Variants in TRAK1 observed in about 807,000 individuals in gnomAD.
The protein encoded by TRAK1 is trafficking kinesin protein 1.
In TRAK1, 33 loss-of-function variants were observed where a neutral mutation model predicts 92.1. The observed-to-expected ratio is 0.36, with a 90% CI of 0.27 to 0.48. The LOEUF is 0.48. Ranked by LOEUF, TRAK1 falls within the 20% of genes least tolerant of loss-of-function variation. The pLI is 0.99. For synonymous variants in TRAK1, 521 were observed against 517.3 expected, an observed-to-expected ratio of 1.01 and a Z score of -0.10; for missense variants, 1,123 against 1,257.9, an observed-to-expected ratio of 0.89 and a Z score of 1.62.
chr3:42,139,606 GCTTA>G lies in TRAK1; in HGVS notation c.286+14000_286+14003del, dbSNP rs3073700. Among the ~76,000 whole-genome samples, 282 of 152,202 alleles carry G rather than the reference GCTTA, an allele frequency of 1.9e-3. 2 individuals carry two copies. Among genetic ancestry groups the G allele is most frequent in the African/African-American group, 6.2e-3 (257 of 41,518 alleles). ...GCAGACCTACCCTCATGGTCCCTGG[GCTTA>G]CTTACTTTGTCACCTGTCACCTGCC... On this transcript the variant is annotated intron_variant, in intron 2 of 15. Transcript: ENST00000327628.
At chr3:42,069,207 C>T (rs1317851898) in intron 1 of TRAK1, among the ~76,000 whole-genome samples, 2 of 151,546 alleles carry the variant, frequency 1.3e-5, no homozygotes, top group Non-Finnish European at 2.9e-5. Flanking sequence ...TGGTGCATGC[C>T]TGTAGTCTCA....
chr3:42,170,568 T>C (rs1032639893), intron 2 of TRAK1, among the ~76,000 whole-genome samples: 2 of 152,204 alleles, frequency 1.3e-5, no homozygotes, highest in Non-Finnish European at 2.9e-5. Flanking sequence ...TATATCAGAA[T>C]TGCTAGGGAT....
At chr3:42,178,348 A>G (rs931196004) in intron 3 of TRAK1, among the ~76,000 whole-genome samples, 2 of 151,958 alleles carry the variant, frequency 1.3e-5, no homozygotes, top group Non-Finnish European at 2.9e-5. Flanking sequence ...CCCATTGCTC[A>G]AGGTCCTGAA....
At chr3:42,093,770 T>C (rs1455796000) in intron 1 of TRAK1, among the ~76,000 whole-genome samples, 1 of 143,154 alleles carries the variant, frequency 7.0e-6, no homozygotes, top group East Asian at 2.2e-4. Flanking sequence ...TGGCATGATC[T>C]TGGCTCACTA....
At chr3:42,023,735 C>T (rs1701810950) in intron 1 of TRAK1, among the ~76,000 whole-genome samples, 1 of 138,528 alleles carries the variant, frequency 7.2e-6, no homozygotes, top group East Asian at 2.1e-4. Flanking sequence ...GTTTGACGTG[C>T]TCGTGAGGGT....
At position 42,101,596 on chromosome 3, in the gene TRAK1, G is replaced by A. The variant is rs78202683; in HGVS notation, c.91+10036G>A. 7.8e-3 allele frequency among the ~76,000 whole-genome samples: 1,191 copies of A among 152,322 alleles called. 21 individuals carry two copies. Among genetic ancestry groups the A allele is most frequent in the African/African-American group, 0.028 (1,152 of 41,564 alleles). Reference sequence around the variant, plus strand: ...AAGGGCCAGAGAGTAAATCTTTTAGGTTTGCAGGTCAGAAGGTCTCTGTCT... The same window carrying A: ...AAGGGCCAGAGAGTAAATCTTTTAGATTTGCAGGTCAGAAGGTCTCTGTCT... On this transcript the variant is annotated intron_variant, in intron 1 of 15. Transcript: ENST00000327628.
At chr3:42,200,738 C>T in intron 11 of TRAK1, 80 bp from the exon 12 acceptor site, 4 of 1,457,146 alleles carry the variant, frequency 2.7e-6, no homozygotes, top group Non-Finnish European at 3.8e-6. Flanking sequence ...CCTTTTGGCT[C>T]AGTTGATCAT....
rs377344183 is a variant in TRAK1, at chr3:42,223,386, C to T, written c.2511C>T (p.Ser837=). The change falls in exon 16 of 16, where the codon TCC becomes TCT. Residue 837 remains serine, a synonymous_variant. Transcript: ENST00000327628. This position sits in a 1 kb window ranked among gnomAD's most constrained non-coding sequence, Gnocchi z 6.1. The part of the protein sequence containing the change: ...VRSSESQTDV[S]VSNLNLVDKV... ...GCAGCGAGAGCCAGACCGACGTGTCCGTCTCCAACCTCAACCTCGTGGACA... is the reference window on the plus strand; with the variant it reads ...GCAGCGAGAGCCAGACCGACGTGTCTGTCTCCAACCTCAACCTCGTGGACA... 31 of 1,614,098 alleles carry T rather than the reference C, an allele frequency of 1.9e-5. No individual in the cohort carries two copies. The highest frequency in any genetic ancestry group is 3.3e-5 in the South Asian group (3 of 91,090).
intron 6 of TRAK1, 83 bp from the exon 7 acceptor site, chr3:42,191,475 G>GCC (rs1705727084): frequency 7.8e-7 from 1 of 1,283,798 alleles, no homozygotes; most frequent in Non-Finnish European, 1.1e-6. Context: ...ACCCCAGTTA[G>GCC]CCTTTGCTTT....
At chr3:42,189,187 GC>G in intron 6 of TRAK1, 63 bp downstream of exon 6, 5 of 1,296,242 alleles carry the variant, frequency 3.9e-6, no homozygotes, top group Non-Finnish European at 5.6e-6. Flanking sequence ...GCCTTATCTG[GC>G]AAGGACAACC....
At chr3:42,021,681 A>G (rs1008594265) in intron 1 of TRAK1, among the ~76,000 whole-genome samples, 1 of 152,090 alleles carries the variant, frequency 6.6e-6, no homozygotes, top group African/African-American at 2.4e-5. Flanking sequence ...GGTTCAAGCA[A>G]TTCTCCTGCG....
chr3:42,110,576 A>T (rs1048476412), intron 1 of TRAK1, among the ~76,000 whole-genome samples: 1 of 152,140 alleles, frequency 6.6e-6, no homozygotes, highest in African/African-American at 2.4e-5. Flanking sequence ...TGCCCAATTC[A>T]GCTTCATGTG....
intron 2 of TRAK1, among the ~76,000 whole-genome samples, chr3:42,126,024 T>C (rs1233634260): frequency 1.3e-5 from 2 of 152,024 alleles, no homozygotes; most frequent in East Asian, 3.9e-4. Context: ...CTAATTTTTG[T>C]ATTTTTAGTA....
chr3:42,115,658 G>A (rs4246667), intron 1 of TRAK1, among the ~76,000 whole-genome samples: 73,982 of 152,048 alleles, frequency 0.49, 18,145 homozygotes, highest in South Asian at 0.6. Flanking sequence ...GTTGGTTTTC[G>A]TTCCTGTCTC....
intron 13 of TRAK1, among the ~76,000 whole-genome samples, chr3:42,207,124 A>T (rs1325204798): frequency 5.9e-5 from 9 of 152,170 alleles, no homozygotes; most frequent in Non-Finnish European, 1.3e-4. Context: ...TGACGTGGCC[A>T]TATTGTACAT....
chr3:42,208,763 G>T, intron 13 of TRAK1, among the ~76,000 whole-genome samples: 1 of 152,214 alleles, frequency 6.6e-6, no homozygotes, highest in Middle Eastern at 3.2e-3. Context: ...TTAATCTGTA[G>T]AATGGGGCTA....
At chr3:42,153,326 C>T (rs1333017285) in intron 2 of TRAK1, among the ~76,000 whole-genome samples, 1 of 151,944 alleles carries the variant, frequency 6.6e-6, no homozygotes, top group East Asian at 1.9e-4. Flanking sequence ...TTGTTTGAGC[C>T]CAGGAGGGTG....
At chr3:42,109,969 G>T (rs1412389125) in intron 1 of TRAK1, among the ~76,000 whole-genome samples, 1 of 151,390 alleles carries the variant, frequency 6.6e-6, no homozygotes, top group Non-Finnish European at 1.5e-5. Flanking sequence ...GGGGTGGCGG[G>T]GGGGATGGCA....
intron 1 of TRAK1, among the ~76,000 whole-genome samples, chr3:42,039,771 A>G (rs1453500074): frequency 6.6e-6 from 1 of 152,214 alleles, no homozygotes; most frequent in African/African-American, 2.4e-5. Context: ...ATCTAGGACA[A>G]AATTGTTGGT....
Sources: gnomAD v4.1 joint callset for allele counts (sites outside exome capture counted in the v4.1 genomes callset) on GRCh38, gnomAD v4.1.1 for gene constraint, Gnocchi (gnomAD v3.1) non-coding constraint, MANE v1.5 for transcripts, NCBI Gene and HGNC (gene_info 2026-07-23, HGNC 2026-07-21) for gene names.